Variants in STOX1 observed in about 807,000 individuals in gnomAD.
STOX1 encodes storkhead-box protein 1.
In STOX1, 57 loss-of-function variants were observed where a neutral mutation model predicts 74.8. The observed-to-expected ratio is 0.76, with a 90% CI of 0.62 to 0.95. STOX1 has a LOEUF of 0.95. STOX1 is among the 40% of genes least tolerant of loss of function. The pLI is 0.00. For synonymous variants in STOX1, 375 were observed against 401.3 expected (o/e 0.93, Z 0.78); for missense variants, 1,010 against 1,117.0 (o/e 0.90, Z 1.37).
At chr10:68,863,463 C>T (rs1840318539) in intron 1 of STOX1, among the ~76,000 whole-genome samples, 1 of 151,928 alleles carries the variant, frequency 6.6e-6, no homozygotes, top group South Asian at 2.1e-4. Context: ...CACCATTTGG[C>T]AAGTTGGGCA....
chr10:68,865,286 C>CAA (rs1439330592), intron 1 of STOX1, among the ~76,000 whole-genome samples: 1 of 147,202 alleles, frequency 6.8e-6, no homozygotes, highest in African/African-American at 2.4e-5. Context: ...ATCGTAAATG[C>CAA]AAACCGTTCA....
chr10:68,884,085 C>A (rs1840875026), intron 2 of STOX1, among the ~76,000 whole-genome samples, 175 bp from the exon 3 acceptor site: 1 of 152,214 alleles, frequency 6.6e-6, no homozygotes, highest in Non-Finnish European at 1.5e-5. Context: ...TCCCAAAACT[C>A]TGGGATTATA....
intron 1 of STOX1, among the ~76,000 whole-genome samples, chr10:68,851,808 T>C (rs917514392): frequency 6.6e-6 from 1 of 152,008 alleles, no homozygotes; most frequent in African/African-American, 2.4e-5. Context: ...ACCACTGTAC[T>C]CCAGCCTAGG....
At chr10:68,861,738 G>T (rs929561599) in intron 1 of STOX1, among the ~76,000 whole-genome samples, 26 of 152,178 alleles carry the variant, frequency 1.7e-4, no homozygotes, top group Middle Eastern at 6.8e-3. Context: ...AAGGATTTAT[G>T]GCTGCCCATC....
At chr10:68,877,463 A>G (rs1247114794) in intron 1 of STOX1, among the ~76,000 whole-genome samples, 1 of 152,204 alleles carries the variant, frequency 6.6e-6, no homozygotes, top group Non-Finnish European at 1.5e-5. Context: ...TTTTGAAGTA[A>G]TTATAGATTC....
intron 1 of STOX1, among the ~76,000 whole-genome samples, chr10:68,872,937 C>T (rs1240544144): frequency 2.6e-5 from 4 of 151,414 alleles, no homozygotes; most frequent in African/African-American, 7.3e-5. Context: ...TTCCCCTTAA[C>T]GGTACAGTTT....
rs187107624 is a variant in STOX1 at position 68,867,037 on chromosome 10, C to T, written c.311-14921C>T. On this transcript the variant is annotated intron_variant, in intron 1 of 3. Transcript: ENST00000298596. ...CTCAGTCACTGCAAGCTCCGCCTCC[C>T]GGGTTCACGCCATTTTCCAGCCTCA... 2.6e-4 allele frequency among the ~76,000 whole-genome samples: 40 copies of T among 151,804 alleles called. No individual in the cohort carries two copies. In the East Asian group the frequency reaches 5.4e-3, roughly 21 times the overall value.
chr10:68,846,457 G>A (rs749281010), intron 1 of STOX1, among the ~76,000 whole-genome samples: 1 of 152,092 alleles, frequency 6.6e-6, no homozygotes, highest in Non-Finnish European at 1.5e-5. Context: ...GCCAGAGGTT[G>A]ATTATTATTT....
chr10:68,839,909 C>T (rs1402498122), intron 1 of STOX1, among the ~76,000 whole-genome samples: 2 of 151,970 alleles, frequency 1.3e-5, no homozygotes, highest in Admixed American at 1.3e-4. Context: ...AAAAACCACA[C>T]ACACACAAAC....
chr10:68,829,129 A>G (rs1839341266), intron 1 of STOX1: 2 of 313,826 alleles, frequency 6.4e-6, no homozygotes, highest in Middle Eastern at 1.6e-3. Context: ...ACCCCTCTGT[A>G]TTAGTCCATA....
chr10:68,858,360 A>G (rs1294331027), intron 1 of STOX1, among the ~76,000 whole-genome samples: 1 of 152,146 alleles, frequency 6.6e-6, no homozygotes, highest in Non-Finnish European at 1.5e-5. Context: ...CCTTGTGAAC[A>G]TATACTGCAG....
chr10:68,871,224 C>T (rs556190197), intron 1 of STOX1, among the ~76,000 whole-genome samples: 2 of 152,234 alleles, frequency 1.3e-5, no homozygotes, highest in African/African-American at 2.4e-5. Context: ...TATCTCTATC[C>T]GCAGTGAGGG....
In STOX1 at chr10:68,885,244, T is replaced by G. The variant is rs762999777; in HGVS notation, c.1448T>G (p.Leu483Arg). 1.2e-6 allele frequency: 2 copies of G among 1,614,226 alleles called. No individual in the cohort carries two copies. Among genetic ancestry groups the G allele is most frequent in the Non-Finnish European group, 1.7e-6 (2 of 1,180,040 alleles). The change falls in exon 3 of 4, where the codon CTA (leucine) becomes CGA (arginine). Residue 483 changes from leucine (L) to arginine (R), a missense_variant. By Grantham distance (102) the Leu-to-Arg change is moderately radical. Coordinates refer to ENST00000298596, the MANE Select transcript of STOX1 (RefSeq NM_152709.5). The stretch of plus-strand genomic sequence containing the variant: ...CCACTTGGTGAGATTACAACAGTGC[T>G]AGGTTCCCATTTGATTTACAAAAAG... ...QKPLGEITTV[L>R]GSHLIYKKRI...
chr10:68,879,238 A>G (rs1186342379), intron 1 of STOX1, among the ~76,000 whole-genome samples: 1 of 152,106 alleles, frequency 6.6e-6, no homozygotes, highest in African/African-American at 2.4e-5. Flanking sequence ...TAGTACTTTG[A>G]GAATAGCTCC....
rs540907042 is a variant in STOX1, at chr10:68,842,487, T to G, written c.310+14554T>G. Among the ~76,000 whole-genome samples the G allele has an allele frequency of 3.3e-5, 5 of 152,066 alleles. No homozygotes were observed. The South Asian group carries it at 1.0e-3, about 32-fold the overall frequency. ...TTTGAGGAAAAGGTATGCAAAGTGA[T>G]CCTTTTTCTTGTTGATGCGAGGTGC... On this transcript the variant is annotated intron_variant, in intron 1 of 3. Coordinates refer to ENST00000298596, the MANE Select transcript of STOX1 (RefSeq NM_152709.5).
intron 1 of STOX1, among the ~76,000 whole-genome samples, chr10:68,867,641 TCTCTTC>T (rs1465995992): frequency 6.6e-6 from 1 of 152,226 alleles, no homozygotes; most frequent in Non-Finnish European, 1.5e-5. Context: ...TGTTCTTTTA[TCTCTTC>T]CGCAACATTA....
At chr10:68,891,733 C>T (rs77240029) in intron 3 of STOX1, among the ~76,000 whole-genome samples, 17,548 of 150,804 alleles carry the variant, frequency 0.12, 1,296 homozygotes, top group Admixed American at 0.18. Flanking sequence ...ACCCGGAAGG[C>T]GGAGGTTGCA....
chr10:68,844,963 A>T (rs1839801412), intron 1 of STOX1, among the ~76,000 whole-genome samples: 1 of 152,042 alleles, frequency 6.6e-6, no homozygotes, highest in Admixed American at 6.6e-5. Flanking sequence ...GAGTTTTGAC[A>T]TGTTGGCCAG....
chr10:68,869,262 CTG>C (rs970737977), intron 1 of STOX1, among the ~76,000 whole-genome samples: 30 of 152,214 alleles, frequency 2.0e-4, no homozygotes, highest in African/African-American at 7.2e-4. Flanking sequence ...AGTGTGAGGA[CTG>C]TATCCTGTTT....
Sources: gnomAD v4.1 joint callset for allele counts (sites outside exome capture counted in the v4.1 genomes callset) on GRCh38, gnomAD v4.1.1 for gene constraint, MANE v1.5 for transcripts, NCBI Gene and HGNC (gene_info 2026-07-23, HGNC 2026-07-21) for gene names.